The following SMC2 variants were observed in gnomAD, a reference collection of about 807,000 sequenced individuals.
The protein encoded by SMC2 is structural maintenance of chromosomes 2, also known as structural maintenance of chromosomes protein 2.
Under a neutral mutation model 142.6 loss-of-function variants are expected in SMC2, and 41 were observed. That is an observed-to-expected ratio of 0.29 (90% confidence interval 0.22 to 0.37). SMC2 has a LOEUF of 0.37. Among genes scored for constraint, SMC2 ranks in the 10% least tolerant of loss-of-function variants. SMC2 has a pLI of 1.00. For synonymous variants in SMC2, 463 were observed against 457.5 expected (o/e 1.01, Z -0.15); for missense variants, 1,265 against 1,373.7 (o/e 0.92, Z 1.25).
chr9:104,135,984 G>T (rs900367405), intron 23 of SMC2: 4 of 510,372 alleles, frequency 7.8e-6, no homozygotes, highest in African/African-American at 1.9e-5. Flanking sequence ...AACTAACATG[G>T]ATTTGGAGTT....
intron 14 of SMC2, among the ~76,000 whole-genome samples, 157 bp downstream of exon 14, chr9:104,116,476 A>G (rs1305993799): frequency 1.3e-5 from 2 of 152,194 alleles, no homozygotes; most frequent in Non-Finnish European, 2.9e-5. Flanking sequence ...ATAAGAGAAT[A>G]GAGATGTTGG....
At chr9:104,126,060 G>A (rs1431891226) in intron 18 of SMC2, among the ~76,000 whole-genome samples, 2 of 152,140 alleles carry the variant, frequency 1.3e-5, no homozygotes, top group African/African-American at 4.8e-5. Flanking sequence ...TCTCAGAGGA[G>A]TGCAGACCCT....
chr9:104,122,577 A>G (rs1010868462), intron 16 of SMC2, among the ~76,000 whole-genome samples: 1 of 152,108 alleles, frequency 6.6e-6, no homozygotes, highest in African/African-American at 2.4e-5. Flanking sequence ...ACCTTTCAAA[A>G]GAAATGACTA....
At chr9:104,120,798 C>CT (rs1833646601) in intron 16 of SMC2, among the ~76,000 whole-genome samples, 1 of 152,014 alleles carries the variant, frequency 6.6e-6, no homozygotes, top group Non-Finnish European at 1.5e-5. Context: ...CTAATGTAAC[C>CT]TTTTTTTGTC....
chr9:104,092,007 A>G (rs150426471), upstream of SMC2: 155 of 152,254 alleles, frequency 1.0e-3, no homozygotes, highest in African/African-American at 3.7e-3. Flanking sequence ...CACTGCATCT[A>G]CCCTATACTC....
At chr9:104,114,928 C>T (rs1832912532) in intron 13 of SMC2, 99 bp downstream of exon 13, 1 of 919,600 alleles carries the variant, frequency 1.1e-6, no homozygotes, top group Non-Finnish European at 1.6e-6. Context: ...AAGGCTCTCC[C>T]CTAAGGTGAC....
intron 16 of SMC2, 99 bp downstream of exon 16, chr9:104,120,261 CAT>C (rs1159634751): frequency 2.4e-5 from 27 of 1,147,372 alleles, no homozygotes; most frequent in African/African-American, 2.0e-4. Context: ...TGACTTTTCT[CAT>C]ATTTTTGGTT....
In SMC2 at chr9:104,139,261, A is replaced by C. The variant is rs751503802; in HGVS notation, c.3540A>C (p.Ser1180=). 5.0e-6 allele frequency: 8 copies of C among 1,601,852 alleles called. No individual in the cohort carries two copies. In the East Asian group the frequency reaches 1.8e-4, roughly 36 times the overall value. Residue 1180 remains serine, a synonymous_variant, in exon 25 of 25, where the codon TCA becomes TCC. Transcript: ENST00000374793. ...CTCAATGTCAAAATGGAAAGATTTC[A>C]AAGGAAGCAAAATCCAAGGCAAAAC... is the stretch of plus-strand genomic sequence containing the variant. ...RFTQCQNGKI[S]KEAKSKAKPP... is the part of the protein sequence containing the mutation.
At chr9:104,132,874 G>C (rs7864118) in intron 22 of SMC2, among the ~76,000 whole-genome samples, 8,493 of 149,938 alleles carry the variant, frequency 0.057, 652 homozygotes, top group African/African-American at 0.18. Flanking sequence ...ACCAGGATTC[G>C]TGGACTTAGT....
chr9:104,137,865 T>TTTA (rs1564123581), intron 23 of SMC2, among the ~76,000 whole-genome samples, 153 bp from the exon 24 acceptor site: 3 of 152,096 alleles, frequency 2.0e-5, no homozygotes, highest in African/African-American at 7.2e-5. Flanking sequence ...ACAACAAAAG[T>TTTA]GTTAAAGTTT....
At chr9:104,111,099 A>G (rs1228062700) in intron 9 of SMC2, among the ~76,000 whole-genome samples, 2 of 152,160 alleles carry the variant, frequency 1.3e-5, no homozygotes, top group East Asian at 1.9e-4. Flanking sequence ...AGTGTCAGCT[A>G]TCTGGTAGTA....
intron 17 of SMC2, among the ~76,000 whole-genome samples, chr9:104,123,555 AT>A (rs1833954046): frequency 6.6e-6 from 1 of 152,108 alleles, no homozygotes. Context: ...TTTAATTTGC[AT>A]TTCCCTAATT....
At chr9:104,106,559 A>G (rs1564079347) in intron 9 of SMC2, among the ~76,000 whole-genome samples, 3 of 151,488 alleles carry the variant, frequency 2.0e-5, no homozygotes, top group Non-Finnish European at 4.4e-5. Flanking sequence ...ACGCCTGGCT[A>G]ATTTTGTATT....
At chr9:104,134,708 C>T (rs763829495) in intron 23 of SMC2, 133 bp downstream of exon 23, 4 of 516,760 alleles carry the variant, frequency 7.7e-6, no homozygotes, top group Non-Finnish European at 1.3e-5. Flanking sequence ...TAAGACTAAA[C>T]AATTTGGTTA....
chr9:104,130,534 G>C (rs1416935282), intron 21 of SMC2, among the ~76,000 whole-genome samples: 1 of 152,108 alleles, frequency 6.6e-6, no homozygotes, highest in Non-Finnish European at 1.5e-5. Context: ...TAAAATTCAT[G>C]AGAAATCTGC....
rs114398050 is a variant in SMC2, at chr9:104,097,779, C to T, written c.319-667C>T. Among the ~76,000 whole-genome samples the T allele has an allele frequency of 6.2e-3, 940 of 152,196 alleles. 13 individuals are homozygous for T. The highest frequency in any genetic ancestry group is 0.021 in the African/African-American group (892 of 41,528). On this transcript the variant is annotated intron_variant, in intron 3 of 24. Coordinates refer to ENST00000374793, the MANE Select transcript of SMC2 (RefSeq NM_006444.3). The stretch of plus-strand genomic sequence containing the variant: ...GAAAAGAAATGAACTAACATTTATT[C>T]AATATTTATTAAATAGTTGATGTAT...
At chr9:104,127,182 T>C in intron 19 of SMC2, 104 bp from the exon 20 acceptor site, 2 of 821,526 alleles carry the variant, frequency 2.4e-6, no homozygotes, top group Non-Finnish European at 1.9e-6. Context: ...CTGCCTGTAA[T>C]CACATTGCCC....
chr9:104,099,488 A>G (rs1337858650), intron 4 of SMC2, among the ~76,000 whole-genome samples, 156 bp from the exon 5 acceptor site: 1 of 152,052 alleles, frequency 6.6e-6, no homozygotes, highest in East Asian at 1.9e-4. Context: ...CAAAGTTCCA[A>G]AATTCTAGAA....
Position 104,102,674 on chromosome 9 carries a change from A to C in SMC2, c.1020+101A>C, listed in dbSNP as rs1041852123. The C allele has an allele frequency of 4.0e-6, 5 of 1,241,396 alleles. No individual in the cohort carries two copies. The African/African-American group carries it at 7.7e-5, about 19-fold the overall frequency. The allele number at this position is 1,241,396 out of a possible 1,614,324, so 76.9% of individuals were successfully genotyped here. A position where few individuals can be genotyped will look rare whatever the true frequency, so the allele number is the denominator to read the frequency against. ...CATGAATATTTAGTGAGTGTCTTCTATAAGCTAAGTACAGTTGTTTGGGCT... is the reference window on the plus strand; with the variant it reads ...CATGAATATTTAGTGAGTGTCTTCTCTAAGCTAAGTACAGTTGTTTGGGCT... On this transcript the variant is annotated intron_variant, in intron 9 of 24. Transcript: ENST00000374793.
Sources: allele counts gnomAD v4.1 joint callset (sites outside exome capture counted in the v4.1 genomes callset), GRCh38; gene constraint gnomAD v4.1.1; transcripts MANE v1.5; gene names NCBI Gene and HGNC (gene_info 2026-07-23, HGNC 2026-07-21).